Variants in MYBBP1A observed in about 807,000 individuals in gnomAD.
The protein encoded by MYBBP1A is MYB binding protein 1a, also known as myb-binding protein 1A.
Under a neutral mutation model 136.3 loss-of-function variants are expected in MYBBP1A, and 147 were observed. That is an observed-to-expected ratio of 1.08 (90% confidence interval 0.94 to 1.24). The LOEUF is 1.24. MYBBP1A is among the 50% of genes most tolerant of loss of function. The pLI is 0.00. For missense variants in MYBBP1A, 2,060 were observed against 1,727.4 expected (o/e 1.19, Z -3.41); for synonymous variants, 947 against 735.8 (o/e 1.29, Z -4.65).
rs967723012 is a variant in MYBBP1A at position 4,546,021 on chromosome 17, G to A, written c.1825-79C>T. The A allele has an allele frequency of 4.7e-5, 61 of 1,308,138 alleles. No individual in the cohort carries two copies. The African/African-American group carries it at 5.5e-4, about 12-fold the overall frequency. 81.0% of individuals were successfully genotyped at this position (1,308,138 alleles called of 1,614,324 possible). The stretch of plus-strand genomic sequence containing the variant: ...AAACCAGGCAAGGGGCTGGCCAAAT[G>A]GCAGCAGTGGCATCAAGAAGCCTCC... On this transcript the variant is annotated intron_variant, in intron 13 of 25. Transcript: ENST00000254718.
Position 4,539,270 on chromosome 17 carries a change from C to CCCGGGCAGGCGGCAACAGCCA in MYBBP1A, c.*124_*144dup, listed in dbSNP as rs1026384584. The CCCGGGCAGGCGGCAACAGCCA allele has an allele frequency of 5.4e-6, 8 of 1,489,906 alleles. No homozygotes were observed. The highest frequency in any genetic ancestry group is 7.1e-6 in the Non-Finnish European group (8 of 1,131,308). 92.3% of individuals were successfully genotyped at this position (1,489,906 alleles called of 1,614,324 possible). A position where few individuals can be genotyped will look rare whatever the true frequency, so the allele number is the denominator to read the frequency against. ...AGGCTGTGCTTGCCAGAGCAGGATG[C>CCCGGGCAGGCGGCAACAGCCA]CCGGGCAGGCGGCAACAGCCACCCT... On this transcript the variant is annotated 3_prime_UTR_variant, in exon 26 of 26. Transcript: ENST00000254718.
chr17:4,548,656 A>G lies in MYBBP1A; in HGVS notation c.1431-7T>C, dbSNP rs774919030. The G allele has an allele frequency of 1.2e-6, 2 of 1,613,830 alleles. No individual in the cohort carries two copies. The highest frequency in any genetic ancestry group is 1.7e-5 in the Admixed American group (1 of 59,990). On this transcript the variant is annotated splice_polypyrimidine_tract_variant and splice_region_variant and intron_variant, in intron 10 of 25. Coordinates refer to ENST00000254718, the MANE Select transcript of MYBBP1A (RefSeq NM_014520.4). This position sits in a 1 kb window ranked among gnomAD's most constrained non-coding sequence, Gnocchi z 4.2. ...CGAGTGGAACAAACAAAACCTGGGGAGGGTGGGAGAGTGGCCATAGCCATT... is the reference window on the plus strand; with the variant it reads ...CGAGTGGAACAAACAAAACCTGGGGGGGGTGGGAGAGTGGCCATAGCCATT...
intron 15 of MYBBP1A, 39 bp downstream of exon 15, chr17:4,545,571 G>GCC: frequency 6.5e-7 from 1 of 1,545,672 alleles, no homozygotes; most frequent in African/African-American, 1.4e-5. Flanking sequence ...TGCTCAGTGA[G>GCC]CCCCAGCCCA....
At chr17:4,553,750 C>G in intron 5 of MYBBP1A, 60 bp downstream of exon 5, 2 of 1,283,754 alleles carry the variant, frequency 1.6e-6, no homozygotes, top group Non-Finnish European at 2.3e-6. Context: ...CTCATCCGAG[C>G]CCCCTTGATG....
Position 4,538,988 on chromosome 17 carries a change from G to A in MYBBP1A, c.*427C>T, listed in dbSNP as rs751191146. The A allele has an allele frequency of 1.2e-5, 10 of 803,162 alleles. No individual in the cohort carries two copies. The highest frequency in any genetic ancestry group is 2.1e-5 in the Non-Finnish European group (9 of 438,546). The allele number at this position is 803,162 out of a possible 1,614,324, so 49.8% of individuals were successfully genotyped here. A position where few individuals can be genotyped will look rare whatever the true frequency, so the allele number is the denominator to read the frequency against. On this transcript the variant is annotated 3_prime_UTR_variant, in exon 26 of 26. Transcript: ENST00000254718. ...TGAATCTCAGAGTCTTAAGAGAGAA[G>A]CCAAATATATTCCTCTTGTAAATGA...
chr17:4,542,359 G>C, intron 22 of MYBBP1A, 105 bp downstream of exon 22: 6 of 1,296,774 alleles, frequency 4.6e-6, no homozygotes, highest in Non-Finnish European at 6.4e-6. Flanking sequence ...AGCTGTGCCC[G>C]TGCTCACCAG....
At chr17:4,554,395 G>A (rs1907838188) in intron 2 of MYBBP1A, 117 bp from the exon 3 acceptor site, 6 of 804,320 alleles carry the variant, frequency 7.5e-6, no homozygotes, top group Admixed American at 2.4e-5. Flanking sequence ...CAGGTCCCTA[G>A]TCCCACCTTC....
chr17:4,544,999 G>GC (rs759908303), intron 17 of MYBBP1A, 27 bp downstream of exon 17: 981 of 497,418 alleles, frequency 2.0e-3, no homozygotes, highest in Admixed American at 3.9e-3. Context: ...CTCCCCGGCC[G>GC]CCCCCCCCTC....
chr17:4,552,261 A>G lies in MYBBP1A; in HGVS notation c.769T>C (p.Ser257Pro), dbSNP rs1160379982. The G allele has an allele frequency of 1.9e-6, 3 of 1,614,030 alleles. No homozygotes were observed. Among genetic ancestry groups the G allele is most frequent in the East Asian group, 2.2e-5 (1 of 44,886 alleles). ...LVNVLKMAASSVKKDRKLPAI... is the reference protein window; with the variant it reads ...LVNVLKMAASPVKKDRKLPAI... ...GGCAGCTTGCGGTCCTTCTTCACAG[A>G]GGAGGCGGCCATCTTCAGCACATTC... The change falls in exon 7 of 26, where the codon TCT becomes CCT. Residue 257 changes from serine (S) to proline (P), a missense_variant. Physicochemically the swap from Ser to Pro is moderately conservative, Grantham distance 74. Coordinates refer to ENST00000254718, the MANE Select transcript of MYBBP1A (RefSeq NM_014520.4). The surrounding 1 kb of genome is among the most constrained non-coding windows in gnomAD (Gnocchi z 4.7).
Position 4,540,337 on chromosome 17 carries a change from C to T in MYBBP1A, c.3434+11G>A, listed in dbSNP as rs1906288701. 3.1e-6 allele frequency: 5 copies of T among 1,599,602 alleles called. No homozygotes were observed. In the Admixed American group the frequency reaches 8.4e-5, roughly 27 times the overall value. On this transcript the variant is annotated intron_variant, in intron 25 of 25. Transcript: ENST00000254718. ...CCTACCCAAGGTGTGTGTCCCCCTC[C>T]CAGAACCTACTGGACTCCCAGGGTT...
intron 2 of MYBBP1A, 38 bp from the exon 3 acceptor site, chr17:4,554,316 G>T (rs79329446): frequency 0.015 from 23,960 of 1,581,570 alleles, 272 homozygotes; most frequent in Middle Eastern, 0.04. Context: ...GAGGGTTCAG[G>T]AGAGTGGCCC....
Position 4,543,102 on chromosome 17 carries a change from G to C in MYBBP1A, c.2703C>G (p.His901Gln). Residue 901 changes from histidine to glutamine, a missense_variant, in exon 20 of 26, where the codon CAC becomes CAG. By Grantham distance (24) the His-to-Gln change is conservative. Coordinates refer to ENST00000254718, the MANE Select transcript of MYBBP1A (RefSeq NM_014520.4). ...HDLGERAGAL[H>Q]AQVERLVQQA... The stretch of plus-strand genomic sequence containing the variant: ...GCTGCACCAACCGCTCCACCTGGGC[G>C]TGCAGGGCCCCTGCGCGCTCACCCA... The C allele has an allele frequency of 6.2e-7, 1 of 1,612,922 alleles. No individual in the cohort carries two copies. The highest frequency in any genetic ancestry group is 1.3e-5 in the African/African-American group (1 of 75,054).
chr17:4,544,548 C>A lies in MYBBP1A; in HGVS notation c.2580G>T (p.Leu860=), dbSNP rs1418937591. 6 of 1,560,052 alleles carry A rather than the reference C, an allele frequency of 3.8e-6. No homozygotes were observed. Among genetic ancestry groups the A allele is most frequent in the African/African-American group, 1.4e-5 (1 of 73,550 alleles). The change falls in exon 19 of 26, where the codon CTG becomes CTT. Residue 860 remains leucine (L), a synonymous_variant. Coordinates refer to ENST00000254718, the MANE Select transcript of MYBBP1A (RefSeq NM_014520.4). Reference sequence around the variant, plus strand: ...GCTCCTGTTTGGAGCTGCTGCTGCGCAGGCTGCGCCGGATGATGCTCAGCA... The same window carrying A: ...GCTCCTGTTTGGAGCTGCTGCTGCGAAGGCTGCGCCGGATGATGCTCAGCA... The part of the protein sequence containing the change: ...EPLLSIIRRS[L]RSSSSKQEQD...
intron 19 of MYBBP1A, 42 bp from the exon 20 acceptor site, chr17:4,543,207 T>C: frequency 6.5e-7 from 1 of 1,545,576 alleles, no homozygotes. Context: ...ACATTCTCGG[T>C]CCACCCTGCT....
chr17:4,540,228 A>G (rs1378965528), intron 25 of MYBBP1A, 120 bp downstream of exon 25: 4 of 1,372,086 alleles, frequency 2.9e-6, no homozygotes, highest in Admixed American at 2.4e-5. Flanking sequence ...ATGTGTGTGC[A>G]GCAGCATGCG....
intron 9 of MYBBP1A, among the ~76,000 whole-genome samples, chr17:4,549,722 T>C (rs2075486610): frequency 7.0e-6 from 1 of 143,608 alleles, no homozygotes. Context: ...AGGCAGAAGT[T>C]GCAATGAGCT....
intron 22 of MYBBP1A, 70 bp downstream of exon 22, chr17:4,542,394 A>G: frequency 6.7e-7 from 1 of 1,500,256 alleles, no homozygotes; most frequent in Non-Finnish European, 9.0e-7. Context: ...GCCTCACAAT[A>G]TCCAGTCAGA....
chr17:4,550,324 C>T lies in MYBBP1A; in HGVS notation c.1053G>A (p.Glu351=). The T allele has an allele frequency of 6.2e-7, 1 of 1,612,866 alleles. No homozygotes were observed. The highest frequency in any genetic ancestry group is 1.1e-5 in the South Asian group (1 of 91,074). The part of the protein sequence containing the change: ...KLPKQFKFAP[E]MDDYVGTFLE... Reference sequence around the variant, plus strand: ...GGAAGGTGCCCACGTAATCGTCCATCTCTGGGGCAAACTTGAACTGCTTTG... The same window carrying T: ...GGAAGGTGCCCACGTAATCGTCCATTTCTGGGGCAAACTTGAACTGCTTTG... The change falls in exon 9 of 26, where the codon GAG becomes GAA. Residue 351 remains glutamate (E), a synonymous_variant. Transcript: ENST00000254718.
rs541155733 is a variant in MYBBP1A, at chr17:4,544,627, AC to A, written c.2500del (p.Val834CysfsTer2). On this transcript the variant is annotated frameshift_variant, in exon 19 of 26. Transcript: ENST00000254718. LOFTEE classifies it high-confidence loss of function. ...FQIRVLDLVE[V>X]LVTKQPENAL... Reference sequence around the variant, plus strand: ...ATTCTCGGGCTGCTTGGTCACTAGCACCTCCACCAGGTCCAGCACCTGCAGC... The same window carrying A: ...ATTCTCGGGCTGCTTGGTCACTAGCACTCCACCAGGTCCAGCACCTGCAGC... 17 of 1,582,148 alleles carry A rather than the reference AC, an allele frequency of 1.1e-5. No individual in the cohort carries two copies. The Admixed American group carries it at 2.5e-4, about 23-fold the overall frequency.
Sources: gnomAD v4.1 joint callset for allele counts (sites outside exome capture counted in the v4.1 genomes callset) on GRCh38, gnomAD v4.1.1 for gene constraint, Gnocchi (gnomAD v3.1) non-coding constraint, MANE v1.5 for transcripts, NCBI Gene and HGNC (gene_info 2026-07-23, HGNC 2026-07-21) for gene names.